The following KIR3DL3 variants were observed in gnomAD, a reference collection of about 807,000 sequenced individuals.
KIR3DL3 encodes the protein killer cell immunoglobulin-like receptor 3DL3.
Under a neutral mutation model 34.9 loss-of-function variants are expected in KIR3DL3, and 27 were observed. The observed-to-expected ratio is 0.77, with a 90% CI of 0.57 to 1.07. The LOEUF (loss-of-function observed/expected upper bound fraction) is 1.07, where lower values mean the gene tolerates loss of function less well. Among genes scored for constraint, KIR3DL3 ranks in the 50% least tolerant of loss-of-function variants. KIR3DL3 has a pLI of 0.00. For synonymous variants in KIR3DL3, 217 were observed against 200.2 expected, an observed-to-expected ratio of 1.08 and a Z score of -0.71; for missense variants, 681 against 528.5, an observed-to-expected ratio of 1.29 and a Z score of -2.83.
At chr19:54,728,962 A>G (rs529828095) in intron 4 of KIR3DL3, among the ~76,000 whole-genome samples, 28 of 142,590 alleles carry the variant, frequency 2.0e-4, no homozygotes, top group African/African-American at 5.8e-4. Context: ...AAGTAGAAAG[A>G]CAGACAGATG....
intron 5 of KIR3DL3, among the ~76,000 whole-genome samples, chr19:54,733,494 T>A (rs1356205814): frequency 1.3e-5 from 2 of 152,266 alleles, no homozygotes; most frequent in Admixed American, 6.5e-5. Flanking sequence ...ATCACTGCAC[T>A]CCAGCCTGAC....
intron 5 of KIR3DL3, among the ~76,000 whole-genome samples, chr19:54,732,958 G>T (rs1270509692): frequency 2.6e-5 from 4 of 152,176 alleles, no homozygotes; most frequent in African/African-American, 4.8e-5. Flanking sequence ...GCCCAGGTGC[G>T]TAACTGGAAT....
intron 5 of KIR3DL3, 89 bp from the exon 6 acceptor site, chr19:54,735,164 G>A (rs1365351902): frequency 6.2e-5 from 65 of 1,040,346 alleles, no homozygotes; most frequent in Non-Finnish European, 9.5e-5. Flanking sequence ...GACGTTGTAT[G>A]TGGTTACCTG....
At chr19:54,734,159 G>C (rs1201748105) in intron 5 of KIR3DL3, among the ~76,000 whole-genome samples, 2 of 122,152 alleles carry the variant, frequency 1.6e-5, no homozygotes, top group South Asian at 2.6e-4. Flanking sequence ...CTTGGAGAAT[G>C]TAATTTTTTT....
chr19:54,735,001 C>T (rs2069309812), intron 5 of KIR3DL3, among the ~76,000 whole-genome samples: 1 of 142,708 alleles, frequency 7.0e-6, no homozygotes, highest in Non-Finnish European at 1.5e-5. Flanking sequence ...GAGGCCCAAC[C>T]TCCCACTCTG....
intron 5 of KIR3DL3, among the ~76,000 whole-genome samples, chr19:54,734,552 G>A (rs35835276): frequency 0.061 from 9,184 of 151,548 alleles, 370 homozygotes; most frequent in African/African-American, 0.12. Context: ...ACTGCATGAC[G>A]TCCTCCTCCA....
Position 54,727,657 on chromosome 19 carries a change from G to A in KIR3DL3, c.402G>A (p.Val134=). ...TCCTGGCCCACCCAGGTCCCCTGGT[G>A]AAATCAGGAGAGACGGTCATCCTGC... is the stretch of plus-strand genomic sequence containing the variant. The part of the protein sequence containing the change: ...PSLLAHPGPL[V]KSGETVILQC... Residue 134 remains valine (V), a synonymous_variant, in exon 4 of 8, where the codon GTG becomes GTA. Coordinates refer to ENST00000291860, the MANE Select transcript of KIR3DL3 (RefSeq NM_153443.5). 2 of 1,611,876 alleles carry A rather than the reference G, an allele frequency of 1.2e-6. No individual in the cohort carries two copies. Among genetic ancestry groups the A allele is most frequent in the South Asian group, 1.1e-5 (1 of 90,946 alleles).
chr19:54,725,314 T>C, intron 2 of KIR3DL3, 32 bp downstream of exon 2: 2 of 1,528,572 alleles, frequency 1.3e-6, no homozygotes, highest in Non-Finnish European at 1.8e-6. Context: ...TAGGTTGTCA[T>C]CTCCCCACAT....
In KIR3DL3 at chr19:54,724,675, G is replaced by A. The variant is rs998560575; in HGVS notation, c.34+145G>A. Reference sequence around the variant, plus strand: ...GATATGGGCCTGGGGTGGAGATATGGGCCTGGAGTGGAGATATGGGCCTGG... The same window carrying A: ...GATATGGGCCTGGGGTGGAGATATGAGCCTGGAGTGGAGATATGGGCCTGG... On this transcript the variant is annotated intron_variant, in intron 1 of 7. Coordinates refer to ENST00000291860, the MANE Select transcript of KIR3DL3 (RefSeq NM_153443.5). 9.1e-5 allele frequency: 132 copies of A among 1,445,356 alleles called. No individual in the cohort carries two copies. In the East Asian group the frequency reaches 2.9e-3, roughly 32 times the overall value. 89.5% of individuals were successfully genotyped at this position (1,445,356 alleles called of 1,614,324 possible). A position where few individuals can be genotyped will look rare whatever the true frequency, so the allele number is the denominator to read the frequency against.
At position 54,735,309 on chromosome 19, in the gene KIR3DL3, GC is replaced by G; in HGVS notation, c.1007del (p.Ala336ValfsTer20). On this transcript the variant is annotated frameshift_variant, in exon 6 of 8. Transcript: ENST00000291860. LOFTEE classifies it high-confidence loss of function. ...GACCTCAGTGGTCATCATCCCCTTT[GC>G]TATCCTCCTCTTCTTTCTCCTTCAT... Reference protein sequence around the residue: ...IGTSVVIIPFAILLFFLLHRW... With the variant: ...IGTSVVIIPFXILLFFLLHRW... 1.3e-6 allele frequency: 2 copies of G among 1,483,310 alleles called. No individual in the cohort carries two copies. Among genetic ancestry groups the G allele is most frequent in the Non-Finnish European group, 1.9e-6 (2 of 1,067,200 alleles). 91.9% of individuals were successfully genotyped at this position (1,483,310 alleles called of 1,614,324 possible). A position where few individuals can be genotyped will look rare whatever the true frequency, so the allele number is the denominator to read the frequency against.
In KIR3DL3 at chr19:54,729,774, G is replaced by T; in HGVS notation, c.937G>T (p.Val313Phe). The change falls in exon 5 of 8, where the codon GTT (valine) becomes TTT (phenylalanine). Residue 313 changes from valine to phenylalanine, a missense_variant. Val to Phe is a conservative substitution (Grantham distance 50). Transcript: ENST00000291860. ...AWSDPSDPLP[V>F]SVTGNSRNLH... ...GTCAGACCCGAGTGACCCACTGCCCGTTTCTGTCACAGGTGAGAAAACACC... is the reference window on the plus strand; with the variant it reads ...GTCAGACCCGAGTGACCCACTGCCCTTTTCTGTCACAGGTGAGAAAACACC... The T allele has an allele frequency of 6.3e-7, 1 of 1,595,620 alleles. No individual in the cohort carries two copies. Among genetic ancestry groups the T allele is most frequent in the East Asian group, 2.3e-5 (1 of 44,134 alleles).
intron 2 of KIR3DL3, 70 bp from the exon 3 acceptor site, chr19:54,725,983 C>A (rs2068115252): frequency 7.4e-7 from 1 of 1,360,134 alleles, no homozygotes; most frequent in Admixed American, 1.9e-5. Context: ...ATGGGAGAAT[C>A]TTCTGAGCAC....
In KIR3DL3 at chr19:54,736,160, A is replaced by C; in HGVS notation, c.*64A>C. 1.3e-6 allele frequency: 2 copies of C among 1,595,360 alleles called. No individual in the cohort carries two copies. The highest frequency in any genetic ancestry group is 2.2e-5 in the East Asian group (1 of 44,794). Reference sequence around the variant, plus strand: ...TCTTCTGTCCACTAGCACCACAGTCAGGCCTTGATGGGATCTTCTAGGGAG... The same window carrying C: ...TCTTCTGTCCACTAGCACCACAGTCCGGCCTTGATGGGATCTTCTAGGGAG... On this transcript the variant is annotated 3_prime_UTR_variant, in exon 8 of 8. Transcript: ENST00000291860.
intron 5 of KIR3DL3, among the ~76,000 whole-genome samples, chr19:54,734,645 C>T (rs1438828467): frequency 1.4e-5 from 2 of 147,458 alleles, no homozygotes; most frequent in Admixed American, 6.9e-5. Flanking sequence ...ATTTTTGTTG[C>T]TCTAAAGGAA....
At chr19:54,735,789 G>C in intron 6 of KIR3DL3, 31 bp from the exon 7 acceptor site, 1 of 1,606,776 alleles carries the variant, frequency 6.2e-7, no homozygotes, top group Non-Finnish European at 8.5e-7. Flanking sequence ...AGTGCCCTCC[G>C]AGCTGTTTTG....
rs1489461120 is a variant in KIR3DL3, at chr19:54,733,135, T to A, written c.950-2118T>A. On this transcript the variant is annotated intron_variant, in intron 5 of 7. Coordinates refer to ENST00000291860, the MANE Select transcript of KIR3DL3 (RefSeq NM_153443.5). Reference sequence around the variant, plus strand: ...TCCTAGTAGTTTAATCCTTGTTTCATTAATTTCTTTCTGAGATGTGTTTTT... The same window carrying A: ...TCCTAGTAGTTTAATCCTTGTTTCAATAATTTCTTTCTGAGATGTGTTTTT... Among the ~76,000 whole-genome samples, 464 of 152,302 alleles carry A rather than the reference T, an allele frequency of 3.0e-3. 4 individuals carry two copies. The highest frequency in any genetic ancestry group is 0.01 in the African/African-American group (428 of 41,538).
intron 1 of KIR3DL3, among the ~76,000 whole-genome samples, chr19:54,724,888 G>A (rs2067979099): frequency 6.9e-6 from 1 of 145,118 alleles, no homozygotes; most frequent in Non-Finnish European, 1.5e-5. Context: ...TGGAGATATG[G>A]GCCTGGAACT....
intron 4 of KIR3DL3, among the ~76,000 whole-genome samples, chr19:54,728,930 CTGAT>C (rs1245261269): frequency 6.7e-6 from 1 of 148,484 alleles, no homozygotes; most frequent in Non-Finnish European, 1.5e-5. Flanking sequence ...TGATGAATGA[CTGAT>C]AGATGATATA....
At chr19:54,732,865 G>T (rs1224168360) in intron 5 of KIR3DL3, among the ~76,000 whole-genome samples, 1 of 152,078 alleles carries the variant, frequency 6.6e-6, no homozygotes, top group African/African-American at 2.4e-5. Context: ...GCATGTTTTT[G>T]ATACTCACAG....
Sources: allele counts gnomAD v4.1 joint callset (sites outside exome capture counted in the v4.1 genomes callset), GRCh38; gene constraint gnomAD v4.1.1; transcripts MANE v1.5; gene names NCBI Gene and HGNC (gene_info 2026-07-23, HGNC 2026-07-21).